Variants in DSP observed in about 807,000 individuals in gnomAD.
The protein encoded by DSP is 250/210 kDa paraneoplastic pemphigus antigen.
In DSP, 114 loss-of-function variants were observed where a neutral mutation model predicts 290.6. That is an observed-to-expected ratio of 0.39 (90% CI 0.34 to 0.46). DSP has a LOEUF of 0.46. Ranked by LOEUF, DSP falls within the 20% of genes least tolerant of loss-of-function variation. The probability of loss-of-function intolerance (pLI) is 0.99; values close to 1 mark genes in which losing one functional copy is unlikely to be tolerated. For synonymous variants in DSP, 1,311 were observed against 1,316.4 expected, an observed-to-expected ratio of 1.00 and a Z score of 0.09; for missense variants, 3,230 against 3,495.8, an observed-to-expected ratio of 0.92 and a Z score of 1.92.
At position 7,584,274 on chromosome 6, in the gene DSP, G is replaced by A; in HGVS notation, c.7012G>A (p.Gly2338Arg). 1 of 1,614,154 alleles carries A rather than the reference G, an allele frequency of 6.2e-7. No individual in the cohort carries two copies. The highest frequency in any genetic ancestry group is 8.5e-7 in the Non-Finnish European group (1 of 1,180,040). ...KLLSAERAVT[G>R]YNDPETGNII... ...CCTGTCTGCAGAACGAGCTGTCACT[G>A]GGTATAATGATCCTGAAACAGGAAA... Residue 2338 changes from glycine (G) to arginine (R), a missense_variant, in exon 24 of 24, where the codon GGG (glycine) becomes AGG (arginine). Transcript: ENST00000379802. This position sits in a 1 kb window ranked among gnomAD's most constrained non-coding sequence, Gnocchi z 6.4.
rs2113700741 is a variant in DSP at position 7,583,848 on chromosome 6, A to G, written c.6586A>G (p.Thr2196Ala). The change falls in exon 24 of 24, where the codon ACT (threonine) becomes GCT (alanine). Residue 2196 changes from threonine (T) to alanine (A), a missense_variant. Coordinates refer to ENST00000379802, the MANE Select transcript of DSP (RefSeq NM_004415.4). The surrounding 1 kb of genome is among the most constrained non-coding windows in gnomAD (Gnocchi z 4.0). ...GGAACGGTGCAGAATCGAACCACAT[A>G]CTGGTCTGCTCTTGCTTTCAGTACA... ...LKERCRIEPH[T>A]GLLLLSVQKR... 1 of 1,614,134 alleles carries G rather than the reference A, an allele frequency of 6.2e-7. No individual in the cohort carries two copies. Among genetic ancestry groups the G allele is most frequent in the Non-Finnish European group, 8.5e-7 (1 of 1,180,028 alleles).
rs17142984 is a variant in DSP at position 7,563,880 on chromosome 6, C to G, written c.777+94C>G. On this transcript the variant is annotated intron_variant, in intron 6 of 23. Transcript: ENST00000379802. Reference sequence around the variant, plus strand: ...TCAAGCACATCCTGGCGGGGAGGCACCTGTTCATCGATGCTAATGTTGTTG... The same window carrying G: ...TCAAGCACATCCTGGCGGGGAGGCAGCTGTTCATCGATGCTAATGTTGTTG... The G allele has an allele frequency of 4.4e-3, 4,965 of 1,118,348 alleles. 171 individuals are homozygous for G. In the African/African-American group the frequency reaches 0.066, roughly 15 times the overall value. The allele number at this position is 1,118,348 out of a possible 1,614,324, so 69.3% of individuals were successfully genotyped here. A position where few individuals can be genotyped will look rare whatever the true frequency, so the allele number is the denominator to read the frequency against.
rs1031492019 is a variant in DSP at position 7,580,717 on chromosome 6, G to C, written c.4527G>C (p.Arg1509Ser). The C allele has an allele frequency of 1.2e-6, 2 of 1,613,940 alleles. No homozygotes were observed. Among genetic ancestry groups the C allele is most frequent in the Non-Finnish European group, 1.7e-6 (2 of 1,179,966 alleles). Residue 1509 changes from arginine to serine, a missense_variant, in exon 23 of 24, where the codon AGG (arginine) becomes AGC (serine). Around this residue, in one of 5 missense-constraint regions of DSP, gnomAD observed 1,714 missense variants for 1,844.5 expected, o/e 0.93. Transcript: ENST00000379802. The surrounding 1 kb of genome is among the most constrained non-coding windows in gnomAD (Gnocchi z 4.2). ...CLEDENARLQ[R>S]VQYDLQKANS... ...AAGATGAAAACGCGAGATTACAAAG[G>C]GTCCAGTATGACCTGCAGAAAGCAA...
intron 1 of DSP, among the ~76,000 whole-genome samples, chr6:7,553,339 T>C (rs1758397797): frequency 6.6e-6 from 1 of 152,220 alleles, no homozygotes. Flanking sequence ...GACTTTCCAT[T>C]GTGCTAAGAG....
chr6:7,574,227 G>A lies in DSP; in HGVS notation c.2272G>A (p.Gly758Ser). ...ATTTCAGAAACTGGAAAATATCAAT[G>A]GTGTTACAGATGGCTACTTAAATAG... ...GLFQKLENIN[G>S]VTDGYLNSLC... The change falls in exon 16 of 24, where the codon GGT becomes AGT. Residue 758 changes from glycine (G) to serine (S), a missense_variant. Coordinates refer to ENST00000379802, the MANE Select transcript of DSP (RefSeq NM_004415.4). The A allele has an allele frequency of 1.2e-6, 2 of 1,613,862 alleles. No homozygotes were observed. Among genetic ancestry groups the A allele is most frequent in the Non-Finnish European group, 1.7e-6 (2 of 1,179,922 alleles).
Position 7,584,277 on chromosome 6 carries a change from T to C in DSP, c.7015T>C (p.Tyr2339His). ...GTCTGCAGAACGAGCTGTCACTGGG[T>C]ATAATGATCCTGAAACAGGAAACAT... ...LLSAERAVTG[Y>H]NDPETGNIIS... Residue 2339 changes from tyrosine (Y) to histidine (H), a missense_variant, in exon 24 of 24, where the codon TAT (tyrosine) becomes CAT (histidine). Physicochemically the swap from Tyr to His is moderately conservative, Grantham distance 83. Transcript: ENST00000379802. This position sits in a 1 kb window ranked among gnomAD's most constrained non-coding sequence, Gnocchi z 6.4. The C allele has an allele frequency of 6.2e-7, 1 of 1,614,134 alleles. No homozygotes were observed. The highest frequency in any genetic ancestry group is 8.5e-7 in the Non-Finnish European group (1 of 1,180,028).
At chr6:7,575,534 G>C in intron 18 of DSP, 46 bp downstream of exon 18, 1 of 1,610,560 alleles carries the variant, frequency 6.2e-7, no homozygotes, top group Non-Finnish European at 8.5e-7. Context: ...TCCCCTTTTG[G>C]TTGTTCACAA....
chr6:7,580,906 G>A lies in DSP; in HGVS notation c.4716G>A (p.Lys1572=), dbSNP rs1759413690. The change falls in exon 23 of 24, where the codon AAG becomes AAA. Residue 1572 remains lysine, a synonymous_variant. Coordinates refer to ENST00000379802, the MANE Select transcript of DSP (RefSeq NM_004415.4). The surrounding 1 kb of genome is among the most constrained non-coding windows in gnomAD (Gnocchi z 4.2). The stretch of plus-strand genomic sequence containing the variant: ...AAGAGCTGCAGCTGCAGAAGCAGAA[G>A]GTGGAAGAGGAGCTGAATCGGCTGA... The part of the protein sequence containing the change: ...SLKELQLQKQ[K]VEEELNRLKR... 2 of 1,614,042 alleles carry A rather than the reference G, an allele frequency of 1.2e-6. No individual in the cohort carries two copies. The highest frequency in any genetic ancestry group is 1.7e-5 in the Admixed American group (1 of 60,012).
chr6:7,565,816 T>C lies in DSP; in HGVS notation c.939+296T>C, dbSNP rs909637111. 4.8e-6 allele frequency: 2 copies of C among 419,360 alleles called. No homozygotes were observed. Among genetic ancestry groups the C allele is most frequent in the Non-Finnish European group, 8.9e-6 (2 of 223,810 alleles). The allele number at this position is 419,360 out of a possible 1,614,324, so 26.0% of individuals were successfully genotyped here. On this transcript the variant is annotated intron_variant, in intron 7 of 23. Transcript: ENST00000379802. This position sits in a 1 kb window ranked among gnomAD's most constrained non-coding sequence, Gnocchi z 4.2. ...GAGGGCAACAACACACACTGGGGCC[T>C]TTCGGAGGGCAGAGGGTGGAGGTGG... is the stretch of plus-strand genomic sequence containing the variant.
Position 7,584,372 on chromosome 6 carries a change from ACAGATCG to A in DSP, c.7113_7119del (p.Ile2372ProfsTer17). 6.2e-7 allele frequency: 1 copy of A among 1,614,186 alleles called. No individual in the cohort carries two copies. The highest frequency in any genetic ancestry group is 8.5e-7 in the Non-Finnish European group (1 of 1,180,002). On this transcript the variant is annotated frameshift_variant, in exon 24 of 24. Transcript: ENST00000379802. LOFTEE classifies it high-confidence loss of function. The surrounding 1 kb of genome is among the most constrained non-coding windows in gnomAD (Gnocchi z 6.4). ...GCCACGGTATTCGCTTATTAGAAGC[ACAGATCG>A]CAACCGGGGGGATCATTGACCCAAA...
Position 7,568,598 on chromosome 6 carries a change from T to G in DSP, c.1419+9T>G. On this transcript the variant is annotated intron_variant, in intron 11 of 23. Transcript: ENST00000379802. The stretch of plus-strand genomic sequence containing the variant: ...ACTACAAACAAGATCAGGTGTGTAC[T>G]CATTTAGAATGATACAAAAGTTTTC... 1 of 1,613,586 alleles carries G rather than the reference T, an allele frequency of 6.2e-7. No individual in the cohort carries two copies.
In DSP at chr6:7,573,384, A is replaced by C. The variant is rs575051244; in HGVS notation, c.2131-702A>C. 7.2e-5 allele frequency among the ~76,000 whole-genome samples: 11 copies of C among 152,156 alleles called. 1 individual carries two copies. In the East Asian group the frequency reaches 1.7e-3, roughly 24 times the overall value. ...ACAAGGTCAGGAGTTCAAGACCAGCATGACCAACATGGTGAAACCCCATCT... is the reference window on the plus strand; with the variant it reads ...ACAAGGTCAGGAGTTCAAGACCAGCCTGACCAACATGGTGAAACCCCATCT... On this transcript the variant is annotated intron_variant, in intron 15 of 23. Coordinates refer to ENST00000379802, the MANE Select transcript of DSP (RefSeq NM_004415.4).
In DSP at chr6:7,559,502, G is replaced by C. The variant is rs78421687; in HGVS notation, c.597+102G>C. Reference sequence around the variant, plus strand: ...GTGACAAAGAGTCTTCTAGACCTCAGGTGGCGGCAGCAGCTTGCTGTTTGC... The same window carrying C: ...GTGACAAAGAGTCTTCTAGACCTCACGTGGCGGCAGCAGCTTGCTGTTTGC... On this transcript the variant is annotated intron_variant, in intron 4 of 23. Coordinates refer to ENST00000379802, the MANE Select transcript of DSP (RefSeq NM_004415.4). 2.1e-3 allele frequency: 3,090 copies of C among 1,457,044 alleles called. 52 individuals are homozygous for C. The African/African-American group carries it at 0.039, about 19-fold the overall frequency. The allele number at this position is 1,457,044 out of a possible 1,614,324, so 90.3% of individuals were successfully genotyped here.
chr6:7,553,260 CT>C (rs1266322127), intron 1 of DSP, among the ~76,000 whole-genome samples: 1 of 152,102 alleles, frequency 6.6e-6, no homozygotes, highest in African/African-American at 2.4e-5. Context: ...GTGCCCCACC[CT>C]CATCTTATAG....
Position 7,580,095 on chromosome 6 carries a change from G to A in DSP, c.3905G>A (p.Arg1302His), listed in dbSNP as rs760691999. Reference sequence around the variant, plus strand: ...GAACTGAAGCAGGTCATGCAGCAGCGCTCTGAGGACAATGCCCGGCACAAG... The same window carrying A: ...GAACTGAAGCAGGTCATGCAGCAGCACTCTGAGGACAATGCCCGGCACAAG... ...EIELKQVMQQ[R>H]SEDNARHKQS... Residue 1302 changes from arginine to histidine, a missense_variant, in exon 23 of 24, where the codon CGC becomes CAC. Coordinates refer to ENST00000379802, the MANE Select transcript of DSP (RefSeq NM_004415.4). This position sits in a 1 kb window ranked among gnomAD's most constrained non-coding sequence, Gnocchi z 4.2. 1.7e-5 allele frequency: 27 copies of A among 1,613,952 alleles called. No individual in the cohort carries two copies. Among genetic ancestry groups the A allele is most frequent in the Admixed American group, 6.7e-5 (4 of 59,986 alleles).
rs376932045 is a variant in DSP, at chr6:7,576,385, C to T, written c.2722C>T (p.Arg908Cys). Residue 908 changes from arginine (R) to cysteine (C), a missense_variant, in exon 19 of 24, where the codon CGC (arginine) becomes TGC (cysteine). Physicochemically the swap from Arg to Cys is radical, Grantham distance 180. This residue lies in a region of DSP where 1,714 missense variants were observed against 1,844.5 expected (regional missense o/e 0.93). Transcript: ENST00000379802. ...CAAGTGGCTCTATGATGCTAAACGCCGCCAGGATTCCTTAGAATCCATGAA... is the reference window on the plus strand; with the variant it reads ...CAAGTGGCTCTATGATGCTAAACGCTGCCAGGATTCCTTAGAATCCATGAA... ...FCKWLYDAKRRQDSLESMKFG... is the reference protein window; with the variant it reads ...FCKWLYDAKRCQDSLESMKFG... 5.1e-5 allele frequency: 83 copies of T among 1,614,060 alleles called. No individual in the cohort carries two copies. The Admixed American group carries it at 1.2e-3, about 23-fold the overall frequency.
In DSP at chr6:7,575,454, C is replaced by A. The variant is rs142429411; in HGVS notation, c.2596C>A (p.Arg866Ser). ...TGAAAAAGTCACACAGCTGACAGACCGCTGGCAAAGGATAGATAAACAGAT... is the reference window on the plus strand; with the variant it reads ...TGAAAAAGTCACACAGCTGACAGACAGCTGGCAAAGGATAGATAAACAGAT... The part of the protein sequence containing the change: ...FGEKVTQLTD[R>S]WQRIDKQIDF... The change falls in exon 18 of 24, where the codon CGC becomes AGC. Residue 866 changes from arginine to serine, a missense_variant. Transcript: ENST00000379802. The A allele has an allele frequency of 6.2e-7, 1 of 1,614,106 alleles. No individual in the cohort carries two copies.
chr6:7,566,312 C>A lies in DSP; in HGVS notation c.940-65C>A, dbSNP rs149558425. On this transcript the variant is annotated intron_variant, in intron 7 of 23. Coordinates refer to ENST00000379802, the MANE Select transcript of DSP (RefSeq NM_004415.4). ...TTTTGTATTTCACTTTTAAAAAGTA[C>A]TGTGGGGGTGATGGAAGTTTAATGA... 4.3e-4 allele frequency: 562 copies of A among 1,297,408 alleles called. 1 individual carries two copies. The African/African-American group carries it at 7.1e-3, about 17-fold the overall frequency. 80.4% of individuals were successfully genotyped at this position (1,297,408 alleles called of 1,614,324 possible).
chr6:7,579,225 G>GGAATGT lies in DSP; in HGVS notation c.3085-47_3085-42dup, dbSNP rs1759338474. On this transcript the variant is annotated intron_variant, in intron 22 of 23. Coordinates refer to ENST00000379802, the MANE Select transcript of DSP (RefSeq NM_004415.4). The surrounding 1 kb of genome is among the most constrained non-coding windows in gnomAD (Gnocchi z 4.1). Reference sequence around the variant, plus strand: ...AGGGGAAAAGTACTGCTTCTTTCTTGGAATGTGAGGTGTTTTTCTTTTGAC... The same window carrying GGAATGT: ...AGGGGAAAAGTACTGCTTCTTTCTTGGAATGTGAATGTGAGGTGTTTTTCTTTTGAC... 1.2e-6 allele frequency: 2 copies of GGAATGT among 1,606,582 alleles called. No homozygotes were observed. Among genetic ancestry groups the GGAATGT allele is most frequent in the African/African-American group, 2.7e-5 (2 of 74,754 alleles).
Sources: gnomAD v4.1 joint callset for allele counts (sites outside exome capture counted in the v4.1 genomes callset) on GRCh38, gnomAD v4.1.1 for gene constraint, gnomAD v4.1.1 regional missense constraint, Gnocchi (gnomAD v3.1) non-coding constraint, MANE v1.5 for transcripts, NCBI Gene and HGNC (gene_info 2026-07-23, HGNC 2026-07-21) for gene names.